The following PRELID2 variants were observed in gnomAD, a reference collection of about 807,000 sequenced individuals.
PRELID2 encodes the protein PRELI domain containing 2.
Under a neutral mutation model 28.4 loss-of-function variants are expected in PRELID2, and 25 were observed. The ratio of observed to expected loss-of-function variants is 0.88; its 90% CI spans 0.64 to 1.23. The LOEUF (loss-of-function observed/expected upper bound fraction) is 1.23, where lower values mean the gene tolerates loss of function less well. Ranked by LOEUF, PRELID2 falls within the 50% of genes most tolerant of loss-of-function variation. The probability of loss-of-function intolerance (pLI) is 0.00; values close to 1 mark genes in which losing one functional copy is unlikely to be tolerated. For missense variants in PRELID2, 201 were observed against 214.4 expected, an observed-to-expected ratio of 0.94 and a Z score of 0.39; for synonymous variants, 76 against 71.6, an observed-to-expected ratio of 1.06 and a Z score of -0.31.
At chr5:145,283,293 A>G in the PRELID2 span, among the ~76,000 whole-genome samples, 1 of 152,196 alleles carries the variant, frequency 6.6e-6, no homozygotes, top group Non-Finnish European at 1.5e-5. Flanking sequence ...AATTTGAGTG[A>G]CAAATGTAAA....
chr5:145,641,441 G>A (rs540052374), intron 1 of PRELID2, among the ~76,000 whole-genome samples: 3 of 152,166 alleles, frequency 2.0e-5, no homozygotes, highest in Non-Finnish European at 2.9e-5. Flanking sequence ...ATGCCATTTC[G>A]CAAACACTAA....
intron 1 of PRELID2, among the ~76,000 whole-genome samples, chr5:145,570,257 G>A (rs1456228029): frequency 1.3e-5 from 2 of 151,890 alleles, no homozygotes; most frequent in East Asian, 3.8e-4. Context: ...CTTTTATTAG[G>A]GGACACAATC....
At chr5:145,614,664 T>A (rs578102471) in intron 1 of PRELID2, among the ~76,000 whole-genome samples, 1 of 152,340 alleles carries the variant, frequency 6.6e-6, no homozygotes, top group East Asian at 1.9e-4. Context: ...GCTACTGATT[T>A]GTGTACATTA....
chr5:145,612,409 T>C (rs1442090370), intron 1 of PRELID2, among the ~76,000 whole-genome samples: 4 of 152,192 alleles, frequency 2.6e-5, no homozygotes, highest in African/African-American at 7.2e-5. Context: ...ATTCATAGCA[T>C]ATTATAAAAT....
intron 1 of PRELID2, among the ~76,000 whole-genome samples, chr5:145,829,060 G>T (rs13185029): frequency 0.13 from 19,375 of 150,606 alleles, 1,353 homozygotes; most frequent in East Asian, 0.2. Context: ...GTTGTTGTTG[G>T]TGGTGGTGGT....
At chr5:145,430,441 G>A in the PRELID2 span, among the ~76,000 whole-genome samples, 1 of 152,122 alleles carries the variant, frequency 6.6e-6, no homozygotes, top group African/African-American at 2.4e-5. Context: ...GAGGCAAGCG[G>A]CACCTTCATG....
chr5:145,278,340 T>A, the PRELID2 span, among the ~76,000 whole-genome samples: 7 of 152,156 alleles, frequency 4.6e-5, no homozygotes, highest in Admixed American at 4.6e-4. Flanking sequence ...CACAGCTGGG[T>A]CTCCTGTAAA....
At chr5:145,687,398 C>A (rs780453263) in intron 1 of PRELID2, among the ~76,000 whole-genome samples, 7 of 152,090 alleles carry the variant, frequency 4.6e-5, no homozygotes, top group Non-Finnish European at 1.0e-4. Flanking sequence ...AGATAACTGG[C>A]CTGGACTCTT....
chr5:145,239,531 G>T, the PRELID2 span, among the ~76,000 whole-genome samples: 1 of 151,984 alleles, frequency 6.6e-6, no homozygotes, highest in Non-Finnish European at 1.5e-5. Context: ...GATGGTAAAT[G>T]CTATAATGCA....
At chr5:145,709,926 G>T (rs963511388) in intron 1 of PRELID2, among the ~76,000 whole-genome samples, 2 of 152,116 alleles carry the variant, frequency 1.3e-5, no homozygotes, top group East Asian at 1.9e-4. Flanking sequence ...AATAAAGAGG[G>T]ATTATTCCAA....
intron 1 of PRELID2, among the ~76,000 whole-genome samples, chr5:145,551,421 T>C (rs1478784790): frequency 6.6e-6 from 1 of 151,384 alleles, no homozygotes; most frequent in Non-Finnish European, 1.5e-5. Context: ...AATAAATAAA[T>C]AAATAAATAA....
At chr5:145,698,845 G>T (rs1157423085) in intron 1 of PRELID2, among the ~76,000 whole-genome samples, 2 of 152,188 alleles carry the variant, frequency 1.3e-5, no homozygotes, top group African/African-American at 4.8e-5. Flanking sequence ...TCCTGCCTCA[G>T]CCTTCCAAGT....
intron 5 of PRELID2, among the ~76,000 whole-genome samples, chr5:145,768,837 T>TC (rs1296924533): frequency 6.6e-6 from 1 of 151,190 alleles, no homozygotes; most frequent in African/African-American, 2.4e-5. Context: ...TTTCCCTTTT[T>TC]CCCCCCCTCT....
At chr5:145,769,046 C>T (rs1024238639) in intron 5 of PRELID2, among the ~76,000 whole-genome samples, 27 of 152,162 alleles carry the variant, frequency 1.8e-4, no homozygotes, top group African/African-American at 5.1e-4. Flanking sequence ...AAAGTTCCAA[C>T]GCTTAAATCT....
At chr5:145,643,923 T>C (rs1450565401) in intron 1 of PRELID2, among the ~76,000 whole-genome samples, 2 of 152,224 alleles carry the variant, frequency 1.3e-5, no homozygotes, top group African/African-American at 2.4e-5. Context: ...GCCAGTATTT[T>C]ATTGAGGATT....
intron 2 of PRELID2, among the ~76,000 whole-genome samples, chr5:145,821,361 G>A (rs1754816730): frequency 6.6e-6 from 1 of 151,824 alleles, no homozygotes; most frequent in South Asian, 2.1e-4. Flanking sequence ...TCGTGTTTGT[G>A]TGTGTGTGTG....
the PRELID2 span, among the ~76,000 whole-genome samples, chr5:145,392,009 C>T: frequency 2.0e-5 from 3 of 152,164 alleles, no homozygotes; most frequent in African/African-American, 7.2e-5. Context: ...AGGTTTCAAA[C>T]TTTCCCACAT....
intron 2 of PRELID2, among the ~76,000 whole-genome samples, chr5:145,822,135 G>A (rs1423477169): frequency 1.3e-5 from 2 of 152,160 alleles, no homozygotes; most frequent in African/African-American, 2.4e-5. Context: ...CCTAAGAAGG[G>A]TAAAGAGCAT....
intron 1 of PRELID2, among the ~76,000 whole-genome samples, chr5:145,671,104 C>T (rs928950731): frequency 2.0e-5 from 3 of 152,050 alleles, no homozygotes; most frequent in African/African-American, 4.8e-5. Flanking sequence ...GTTAACAAAC[C>T]GAATTTCCTA....
Sources: gnomAD v4.1 joint callset for allele counts (sites outside exome capture counted in the v4.1 genomes callset) on GRCh38, gnomAD v4.1.1 for gene constraint, MANE v1.5 for transcripts, NCBI Gene and HGNC (gene_info 2026-07-23, HGNC 2026-07-21) for gene names.